RELN: variants seen among roughly 807,000 people sequenced by gnomAD.
RELN encodes reelin.
In RELN, 108 loss-of-function variants were observed where a neutral mutation model predicts 427.6. The observed-to-expected ratio is 0.25, with a 90% CI of 0.22 to 0.30. RELN has a LOEUF of 0.30. Among genes scored for constraint, RELN ranks in the 10% least tolerant of loss-of-function variants. The pLI, the probability that RELN is intolerant of heterozygous loss-of-function variation, is 1.00. For missense variants in RELN, 3,715 were observed against 4,302.8 expected (o/e 0.86, Z 3.82); for synonymous variants, 1,524 against 1,513.4 (o/e 1.01, Z -0.16).
intron 8 of RELN, among the ~76,000 whole-genome samples, chr7:103,716,975 A>G (rs1444978788): frequency 1.3e-5 from 2 of 152,152 alleles, no homozygotes; most frequent in African/African-American, 2.4e-5. Context: ...CTACTAGTAC[A>G]GTCCCCCCAA....
intron 36 of RELN, 32 bp downstream of exon 36, chr7:103,561,500 T>C (rs763865272): frequency 1.3e-4 from 193 of 1,505,914 alleles, no homozygotes; most frequent in Non-Finnish European, 1.7e-4. Flanking sequence ...TTAGTAGTAA[T>C]GTTGGGAAGG....
chr7:103,604,606 T>A, intron 22 of RELN, 123 bp from the exon 23 acceptor site: 1 of 921,546 alleles, frequency 1.1e-6, no homozygotes. Context: ...TTAGCTGGCA[T>A]CATTTTTCTT....
chr7:103,949,179 T>C (rs1384744237), intron 1 of RELN, among the ~76,000 whole-genome samples: 1 of 152,062 alleles, frequency 6.6e-6, no homozygotes, highest in Non-Finnish European at 1.5e-5. Context: ...CAAAAACTTA[T>C]GTGTCAAAAA....
chr7:103,871,841 T>G (rs780426616), intron 2 of RELN, among the ~76,000 whole-genome samples: 3 of 152,110 alleles, frequency 2.0e-5, no homozygotes, highest in South Asian at 2.1e-4. Context: ...GCTTTGCTCA[T>G]TGGTGTATTT....
chr7:103,950,108 C>A (rs1796304070), intron 1 of RELN, among the ~76,000 whole-genome samples: 2 of 152,088 alleles, frequency 1.3e-5, no homozygotes, highest in Admixed American at 6.5e-5. Context: ...ATAGATGGGG[C>A]CTTCTCACTG....
chr7:103,701,032 T>C (rs534279600), intron 8 of RELN, 26 bp from the exon 9 acceptor site: 3 of 1,377,272 alleles, frequency 2.2e-6, no homozygotes, highest in Non-Finnish European at 3.1e-6. Context: ...ACAATAAATT[T>C]CAAGGTTAAA....
intron 24 of RELN, among the ~76,000 whole-genome samples, chr7:103,600,270 C>T (rs362676): frequency 6.6e-6 from 1 of 152,132 alleles, no homozygotes; most frequent in African/African-American, 2.4e-5. Context: ...TGGGTTACTG[C>T]CCCTTCACTT....
intron 41 of RELN, among the ~76,000 whole-genome samples, chr7:103,546,215 T>C (rs1225427337): frequency 6.6e-6 from 1 of 152,242 alleles, no homozygotes; most frequent in Non-Finnish European, 1.5e-5. Context: ...TGACGTATTC[T>C]GGATATTTCA....
chr7:103,726,375 T>A (rs1320600144), intron 7 of RELN, among the ~76,000 whole-genome samples: 1 of 152,172 alleles, frequency 6.6e-6, no homozygotes, highest in East Asian at 1.9e-4. Context: ...AGGAAAATAC[T>A]TATAATGGAA....
chr7:103,590,335 G>A (rs1464601225), intron 27 of RELN, among the ~76,000 whole-genome samples: 6 of 152,010 alleles, frequency 3.9e-5, no homozygotes, highest in East Asian at 1.9e-4. Context: ...AGGCTGAGGC[G>A]GGTGGATCAT....
Position 103,518,505 on chromosome 7 carries a change from G to GTTTTTTTTTTTTTTTTTTTTTTT in RELN, c.7862+817_7862+818insAAAAAAAAAAAAAAAAAAAAAAA, listed in dbSNP as rs58239018. 7.3e-4 allele frequency among the ~76,000 whole-genome samples: 84 copies of GTTTTTTTTTTTTTTTTTTTTTTT among 114,332 alleles called. 11 individuals carry two copies. Among genetic ancestry groups the GTTTTTTTTTTTTTTTTTTTTTTT allele is most frequent in the African/African-American group, 3.4e-3 (74 of 21,814 alleles). 75.0% of individuals were successfully genotyped at this position (114,332 alleles called of 152,430 possible). A position where few individuals can be genotyped will look rare whatever the true frequency, so the allele number is the denominator to read the frequency against. Reference sequence around the variant, plus strand: ...ATGCCACCACACCCAGGTAATTTAAGTTTTTTTTTTTTTTGGTAAAATGTC... The same window carrying GTTTTTTTTTTTTTTTTTTTTTTT: ...ATGCCACCACACCCAGGTAATTTAAGTTTTTTTTTTTTTTTTTTTTTTTTTTTTTTTTTTTTTGGTAAAATGTC... On this transcript the variant is annotated intron_variant, in intron 49 of 64. Coordinates refer to ENST00000428762, the MANE Select transcript of RELN (RefSeq NM_005045.4).
At chr7:103,861,511 G>A (rs1304549216) in intron 2 of RELN, among the ~76,000 whole-genome samples, 1 of 152,122 alleles carries the variant, frequency 6.6e-6, no homozygotes, top group Non-Finnish European at 1.5e-5. Context: ...TATATACTAG[G>A]TAACATGTAG....
intron 45 of RELN, among the ~76,000 whole-genome samples, chr7:103,538,588 A>AT (rs1830108372): frequency 6.6e-6 from 1 of 152,158 alleles, no homozygotes; most frequent in Non-Finnish European, 1.5e-5. Flanking sequence ...AAATGTCATC[A>AT]TTTGGGGGGA....
chr7:103,873,391 C>G (rs1794398182), intron 2 of RELN, among the ~76,000 whole-genome samples: 1 of 133,162 alleles, frequency 7.5e-6, no homozygotes, highest in Non-Finnish European at 1.6e-5. Flanking sequence ...CACAAAAAAC[C>G]CTTCAAAAAA....
At chr7:103,934,174 A>C (rs1041502723) in intron 1 of RELN, among the ~76,000 whole-genome samples, 1 of 152,180 alleles carries the variant, frequency 6.6e-6, no homozygotes, top group Non-Finnish European at 1.5e-5. Flanking sequence ...TAGGAGACAG[A>C]GTACTGTCTT....
At chr7:103,797,585 A>G (rs1047941878) in intron 3 of RELN, among the ~76,000 whole-genome samples, 5 of 152,176 alleles carry the variant, frequency 3.3e-5, no homozygotes, top group African/African-American at 1.2e-4. Flanking sequence ...TTTTTCTGAT[A>G]ATATCCTTTA....
chr7:103,888,495 A>G (rs1794774100), intron 2 of RELN, among the ~76,000 whole-genome samples: 1 of 152,156 alleles, frequency 6.6e-6, no homozygotes, highest in South Asian at 2.1e-4. Flanking sequence ...ATGATAGTAC[A>G]CTTATAAACA....
rs928771472 is a variant in RELN, at chr7:103,573,156, G to T, written c.4512-896C>A. On this transcript the variant is annotated intron_variant, in intron 30 of 64. Coordinates refer to ENST00000428762, the MANE Select transcript of RELN (RefSeq NM_005045.4). This position sits in a 1 kb window ranked among gnomAD's most constrained non-coding sequence, Gnocchi z 4.4. ...GTTTTGCCATGTTGGCCAGGAGCTG[G>T]TCTTGAATTCCTGACCTCAAGTGAT... Among the ~76,000 whole-genome samples the T allele has an allele frequency of 1.3e-5, 2 of 152,168 alleles. No homozygotes were observed. The highest frequency in any genetic ancestry group is 4.8e-5 in the African/African-American group (2 of 41,422).
At chr7:103,793,325 T>C (rs942788162) in intron 3 of RELN, among the ~76,000 whole-genome samples, 3 of 152,216 alleles carry the variant, frequency 2.0e-5, no homozygotes, top group African/African-American at 7.2e-5. Context: ...CTCTTACAAG[T>C]ATATTCCAAA....
Sources: allele counts gnomAD v4.1 joint callset (sites outside exome capture counted in the v4.1 genomes callset), GRCh38; gene constraint gnomAD v4.1.1; non-coding constraint Gnocchi (gnomAD v3.1); transcripts MANE v1.5; gene names NCBI Gene and HGNC (gene_info 2026-07-23, HGNC 2026-07-21).